The following UBXN7 variants were observed in gnomAD, a reference collection of about 807,000 sequenced individuals.
UBXN7 encodes the protein UBX domain protein 7.
Under a neutral mutation model 58.0 loss-of-function variants are expected in UBXN7, and 9 were observed. The observed-to-expected ratio is 0.16, with a 90% CI of 0.09 to 0.27. The LOEUF is 0.27. UBXN7 is among the 10% of genes least tolerant of loss of function. The pLI is 1.00. For missense variants in UBXN7, 328 were observed against 599.6 expected (o/e 0.55, Z 4.73); for synonymous variants, 208 against 205.0 (o/e 1.01, Z -0.12).
At chr3:196,369,849 T>A (rs1354494427) in intron 6 of UBXN7, among the ~76,000 whole-genome samples, 1 of 152,076 alleles carries the variant, frequency 6.6e-6, no homozygotes, top group Admixed American at 6.6e-5. Flanking sequence ...ATTAAGATTA[T>A]GGGCCAGGCA....
chr3:196,374,779 C>CT (rs1667885202), intron 5 of UBXN7, among the ~76,000 whole-genome samples: 1 of 145,216 alleles, frequency 6.9e-6, no homozygotes, highest in African/African-American at 2.6e-5. Flanking sequence ...ACTCAGGAGA[C>CT]TGAGGCAGAA....
At chr3:196,401,708 C>T (rs1166081478) in intron 3 of UBXN7, among the ~76,000 whole-genome samples, 2 of 143,558 alleles carry the variant, frequency 1.4e-5, no homozygotes, top group African/African-American at 5.2e-5. Flanking sequence ...GCCAGAGGAT[C>T]GCTTGAGCCC....
intron 4 of UBXN7, among the ~76,000 whole-genome samples, chr3:196,392,595 G>C (rs1008148864): frequency 6.6e-6 from 1 of 151,768 alleles, no homozygotes; most frequent in Non-Finnish European, 1.5e-5. Flanking sequence ...CTGAGGTCAG[G>C]AGTTCAAGGC....
chr3:196,375,082 TGAA>T (rs1302004472), intron 5 of UBXN7, among the ~76,000 whole-genome samples: 2 of 148,756 alleles, frequency 1.3e-5, no homozygotes, highest in Non-Finnish European at 3.0e-5. Context: ...AGAAGAGTCT[TGAA>T]TAAGTCTAGA....
At chr3:196,383,013 G>T (rs1729258644) in intron 5 of UBXN7, among the ~76,000 whole-genome samples, 1 of 151,926 alleles carries the variant, frequency 6.6e-6, no homozygotes, top group African/African-American at 2.4e-5. Flanking sequence ...CTACTCGAGA[G>T]GCTGAGGTGG....
chr3:196,365,186 G>T (rs1022685737), intron 8 of UBXN7, among the ~76,000 whole-genome samples: 3 of 139,706 alleles, frequency 2.1e-5, no homozygotes, highest in African/African-American at 8.0e-5. Flanking sequence ...AAAAATTATA[G>T]AATTAAATGC....
intron 1 of UBXN7, chr3:196,423,572 A>G (rs1402205101): frequency 6.3e-6 from 1 of 158,108 alleles, no homozygotes; most frequent in Non-Finnish European, 1.4e-5. Context: ...AAGAGTGGGG[A>G]CATGGCAGAG....
At chr3:196,373,893 T>G (rs1728914505) in intron 5 of UBXN7, among the ~76,000 whole-genome samples, 1 of 152,180 alleles carries the variant, frequency 6.6e-6, no homozygotes, top group African/African-American at 2.4e-5. Context: ...TGCTTACTGA[T>G]TCCATGGGTG....
chr3:196,407,800 G>A, intron 1 of UBXN7, among the ~76,000 whole-genome samples: 1 of 152,134 alleles, frequency 6.6e-6, no homozygotes, highest in Non-Finnish European at 1.5e-5. Context: ...TTCTGTTTCT[G>A]TTAAAAAGAA....
chr3:196,383,239 C>T (rs1729271106), intron 5 of UBXN7, among the ~76,000 whole-genome samples: 1 of 152,104 alleles, frequency 6.6e-6, no homozygotes, highest in African/African-American at 2.4e-5. Context: ...GTAAAGGGGT[C>T]AATTCAACAA....
intron 1 of UBXN7, among the ~76,000 whole-genome samples, chr3:196,416,870 G>A (rs1730501903): frequency 6.6e-6 from 1 of 152,198 alleles, no homozygotes; most frequent in African/African-American, 2.4e-5. Context: ...GGAAAAGGGT[G>A]TTGATTTAGA....
rs114648620 is a variant in UBXN7 at position 196,359,544 on chromosome 3, C to G, written c.1308+2300G>C. On this transcript the variant is annotated intron_variant, in intron 10 of 10. Coordinates refer to ENST00000296328, the MANE Select transcript of UBXN7 (RefSeq NM_015562.2). ...ACAAAGCTAGGCCTCTGGCACCAAA[C>G]AGCCAAGCTGTGAATGCAAGGAAAA... Among the ~76,000 whole-genome samples, 1,035 of 152,296 alleles carry G rather than the reference C, an allele frequency of 6.8e-3. 8 individuals are homozygous for G. The highest frequency in any genetic ancestry group is 0.023 in the African/African-American group (969 of 41,576).
intron 2 of UBXN7, among the ~76,000 whole-genome samples, chr3:196,406,315 G>A (rs577478841): frequency 6.6e-6 from 1 of 152,186 alleles, no homozygotes; most frequent in African/African-American, 2.4e-5. Context: ...TTACAGGCAT[G>A]AGCCACCATG....
rs1186476434 is a variant in UBXN7, at chr3:196,362,336, G to A, written c.1186C>T (p.Pro396Ser). ...AVDSEILEMPPEKADGVVEGI... is the reference protein window; with the variant it reads ...AVDSEILEMPSEKADGVVEGI... ...TCCACTACTCCATCTGCTTTTTCAG[G>A]TGGCATCTCCAGTATCTCTGAATCC... Residue 396 changes from proline (P) to serine (S), a missense_variant, in exon 9 of 11, where the codon CCT (proline) becomes TCT (serine). Physicochemically the swap from Pro to Ser is moderately conservative, Grantham distance 74. Transcript: ENST00000296328. 5 of 1,611,476 alleles carry A rather than the reference G, an allele frequency of 3.1e-6. No homozygotes were observed. The highest frequency in any genetic ancestry group is 2.2e-5 in the East Asian group (1 of 44,880).
At chr3:196,425,698 T>A (rs1730825928) in intron 1 of UBXN7, among the ~76,000 whole-genome samples, 1 of 152,222 alleles carries the variant, frequency 6.6e-6, no homozygotes, top group African/African-American at 2.4e-5. Context: ...GCTTTACTCA[T>A]TTGGAATTAT....
chr3:196,391,924 A>T lies in UBXN7; in HGVS notation c.357T>A (p.Ile119=). ...CATTTCTTAATTCTTGTTCTTGCCG[A>T]ACTATAATACAGAAGGATGAAAGTT... ...DGFRDFQTET[I]RQEQELRNGG... Residue 119 remains isoleucine (I), a splice_region_variant and synonymous_variant, in exon 5 of 11, where the codon ATT becomes ATA. Transcript: ENST00000296328. The T allele has an allele frequency of 6.2e-7, 1 of 1,600,848 alleles. No homozygotes were observed. The highest frequency in any genetic ancestry group is 8.5e-7 in the Non-Finnish European group (1 of 1,172,114).
chr3:196,417,726 A>T (rs1356843008), intron 1 of UBXN7, among the ~76,000 whole-genome samples: 13 of 2,460 alleles, frequency 5.3e-3, no homozygotes, highest in African/African-American at 0.01. Flanking sequence ...AAAATGGTTA[A>T]AAAAAAAAAA....
chr3:196,381,721 C>A (rs1729212420), intron 5 of UBXN7, among the ~76,000 whole-genome samples: 4 of 152,140 alleles, frequency 2.6e-5, no homozygotes, highest in Admixed American at 2.6e-4. Flanking sequence ...GAACCCATCG[C>A]AAGGAAGCTA....
In UBXN7 at chr3:196,352,187, C is replaced by T. The variant is rs1055614278; in HGVS notation, c.*4498G>A. ...GAACTAATAGGTAAACATTTACATG[C>T]TCTCCAATTATTTCATGTGTAGTGT... is the stretch of plus-strand genomic sequence containing the variant. On this transcript the variant is annotated 3_prime_UTR_variant, in exon 11 of 11. Coordinates refer to ENST00000296328, the MANE Select transcript of UBXN7 (RefSeq NM_015562.2). The surrounding 1 kb of genome is among the most constrained non-coding windows in gnomAD (Gnocchi z 4.1). The T allele has an allele frequency of 2.0e-5, 3 of 152,208 alleles. No homozygotes were observed. The highest frequency in any genetic ancestry group is 7.2e-5 in the African/African-American group (3 of 41,452). 9.4% of individuals were successfully genotyped at this position (152,208 alleles called of 1,614,324 possible).
Sources: allele counts gnomAD v4.1 joint callset (sites outside exome capture counted in the v4.1 genomes callset), GRCh38; gene constraint gnomAD v4.1.1; non-coding constraint Gnocchi (gnomAD v3.1); transcripts MANE v1.5; gene names NCBI Gene and HGNC (gene_info 2026-07-23, HGNC 2026-07-21).